CAAP1: variants seen among roughly 807,000 people sequenced by gnomAD.
CAAP1 encodes the protein caspase activity and apoptosis inhibitor 1.
Under a neutral mutation model 34.0 loss-of-function variants are expected in CAAP1, and 20 were observed. That is an observed-to-expected ratio of 0.59 (90% confidence interval 0.41 to 0.86). CAAP1 has a LOEUF of 0.86. CAAP1 is among the 40% of genes least tolerant of loss of function. CAAP1 has a pLI of 0.00. For missense variants in CAAP1, 538 were observed against 450.5 expected (o/e 1.19, Z -1.76); for synonymous variants, 213 against 166.7 (o/e 1.28, Z -2.14).
intron 1 of CAAP1, among the ~76,000 whole-genome samples, chr9:26,890,240 G>C (rs1474914377): frequency 6.6e-6 from 1 of 151,780 alleles, no homozygotes; most frequent in Non-Finnish European, 1.5e-5. Flanking sequence ...CCATGGTGGC[G>C]GGCACCTGTA....
chr9:26,879,851 A>G (rs898608487), intron 4 of CAAP1, among the ~76,000 whole-genome samples: 6 of 152,072 alleles, frequency 3.9e-5, no homozygotes, highest in African/African-American at 1.4e-4. Flanking sequence ...CGGCTTCCCT[A>G]CTTCTGAGGT....
intron 4 of CAAP1, among the ~76,000 whole-genome samples, chr9:26,870,587 C>CGTGTGT (rs10598264): frequency 8.9e-5 from 12 of 135,304 alleles, no homozygotes; most frequent in African/African-American, 2.7e-4. Context: ...CACATATATA[C>CGTGTGT]GTGTGTGTGT....
intron 4 of CAAP1, among the ~76,000 whole-genome samples, chr9:26,874,636 T>TCTTC (rs1186775555): frequency 6.6e-6 from 1 of 152,190 alleles, no homozygotes; most frequent in Non-Finnish European, 1.5e-5. Context: ...GGATGTTGTA[T>TCTTC]CTTCACAGTT....
intron 2 of CAAP1, 84 bp from the exon 3 acceptor site, chr9:26,886,272 A>C (rs1405160027): frequency 5.3e-6 from 3 of 569,802 alleles, no homozygotes; most frequent in East Asian, 3.4e-5. Flanking sequence ...TAAAAATTTA[A>C]GTTAGCAAAA....
intron 5 of CAAP1, among the ~76,000 whole-genome samples, chr9:26,850,942 T>C (rs764017289): frequency 1.6e-4 from 25 of 152,254 alleles, no homozygotes; most frequent in South Asian, 6.2e-4. Flanking sequence ...TGAACCATTA[T>C]TGAACTTCCA....
intron 4 of CAAP1, among the ~76,000 whole-genome samples, chr9:26,876,071 A>C (rs1206883049): frequency 6.6e-6 from 1 of 152,210 alleles, no homozygotes; most frequent in Non-Finnish European, 1.5e-5. Context: ...AATAAGTCTT[A>C]AGAACTAGAA....
chr9:26,858,469 A>C (rs915196406), intron 5 of CAAP1, among the ~76,000 whole-genome samples: 1 of 152,218 alleles, frequency 6.6e-6, no homozygotes, highest in Non-Finnish European at 1.5e-5. Flanking sequence ...AAAACATTTT[A>C]TATTTTAATC....
intron 5 of CAAP1, among the ~76,000 whole-genome samples, chr9:26,845,226 A>C (rs2131292988): frequency 6.6e-6 from 1 of 152,370 alleles, no homozygotes; most frequent in Non-Finnish European, 1.5e-5. Context: ...TGCTTAAAAC[A>C]GTGTCTTGTA....
chr9:26,862,931 A>T (rs1823037538), intron 4 of CAAP1, among the ~76,000 whole-genome samples: 1 of 152,182 alleles, frequency 6.6e-6, no homozygotes, highest in Non-Finnish European at 1.5e-5. Context: ...CATTAAAAAA[A>T]ACATGTATGT....
intron 4 of CAAP1, chr9:26,869,827 T>C (rs78837195): frequency 0.028 from 10,733 of 384,744 alleles, 172 homozygotes; most frequent in Non-Finnish European, 0.034. Context: ...ATTTTTCAAA[T>C]GAAATGAACA....
chr9:26,843,110 G>A (rs1455041945), intron 5 of CAAP1, among the ~76,000 whole-genome samples: 1 of 152,108 alleles, frequency 6.6e-6, no homozygotes, highest in Non-Finnish European at 1.5e-5. Context: ...TCAGCAAGCA[G>A]GACAACATAT....
At chr9:26,870,872 C>T (rs1342827457) in intron 4 of CAAP1, among the ~76,000 whole-genome samples, 1 of 152,026 alleles carries the variant, frequency 6.6e-6, no homozygotes, top group Non-Finnish European at 1.5e-5. Flanking sequence ...CCGCTTCGGC[C>T]CCCTAAAGAG....
chr9:26,879,070 C>T (rs543417848), intron 4 of CAAP1, among the ~76,000 whole-genome samples: 1 of 152,290 alleles, frequency 6.6e-6, no homozygotes, highest in East Asian at 1.9e-4. Flanking sequence ...GAAATGTACA[C>T]TGATTCTTTG....
rs191589811 is a variant in CAAP1, at chr9:26,862,541, T to C, written c.666-1402A>G. ...TCTAGCTGAGAATATATAACCTGTATTATGAAGAATCACCAGACAAACTCA... is the reference window on the plus strand; with the variant it reads ...TCTAGCTGAGAATATATAACCTGTACTATGAAGAATCACCAGACAAACTCA... On this transcript the variant is annotated intron_variant, in intron 4 of 5. Coordinates refer to ENST00000333916, the MANE Select transcript of CAAP1 (RefSeq NM_024828.4). Among the ~76,000 whole-genome samples the C allele has an allele frequency of 3.3e-5, 5 of 152,212 alleles. No individual in the cohort carries two copies. In the East Asian group the frequency reaches 9.7e-4, roughly 29 times the overall value.
intron 5 of CAAP1, among the ~76,000 whole-genome samples, chr9:26,845,769 A>G (rs1320504975): frequency 6.6e-6 from 1 of 152,194 alleles, no homozygotes; most frequent in Non-Finnish European, 1.5e-5. Context: ...AGTCTCTCTC[A>G]TAAGGATATT....
At chr9:26,863,769 A>C (rs898931077) in intron 4 of CAAP1, among the ~76,000 whole-genome samples, 1 of 102,870 alleles carries the variant, frequency 9.7e-6, no homozygotes, top group African/African-American at 4.0e-5. Context: ...CTTCCGTTTA[A>C]ATTAAAAAAA....
intron 2 of CAAP1, 52 bp from the exon 3 acceptor site, chr9:26,886,240 G>T: frequency 1.1e-6 from 1 of 869,572 alleles, no homozygotes; most frequent in Non-Finnish European, 1.7e-6. Context: ...CAGCCCCAAT[G>T]TAAACTGGAA....
intron 4 of CAAP1, among the ~76,000 whole-genome samples, chr9:26,866,814 T>C (rs1823149423): frequency 6.6e-6 from 1 of 152,106 alleles, no homozygotes; most frequent in Non-Finnish European, 1.5e-5. Flanking sequence ...ATCTCTCAAT[T>C]CTGGAGGCCA....
intron 4 of CAAP1, among the ~76,000 whole-genome samples, chr9:26,879,110 G>A (rs181373174): frequency 6.6e-6 from 1 of 152,118 alleles, no homozygotes; most frequent in Admixed American, 6.5e-5. Flanking sequence ...TTTTCCACAG[G>A]TATCTTTCCA....
Sources: allele counts gnomAD v4.1 joint callset (sites outside exome capture counted in the v4.1 genomes callset), GRCh38; gene constraint gnomAD v4.1.1; transcripts MANE v1.5; gene names NCBI Gene and HGNC (gene_info 2026-07-23, HGNC 2026-07-21).